The following RAP1GAP2 variants were observed in gnomAD, a reference collection of about 807,000 sequenced individuals.
The protein encoded by RAP1GAP2 is RAP1 GTPase activating protein 2.
Under a neutral mutation model 95.0 loss-of-function variants are expected in RAP1GAP2, and 27 were observed. The observed-to-expected ratio is 0.28, with a 90% CI of 0.21 to 0.39. RAP1GAP2 has a LOEUF of 0.39. Among genes scored for constraint, RAP1GAP2 ranks in the 10% least tolerant of loss-of-function variants. RAP1GAP2 has a pLI of 1.00. For synonymous variants in RAP1GAP2, 373 were observed against 380.9 expected (o/e 0.98, Z 0.24); for missense variants, 771 against 970.0 (o/e 0.79, Z 2.72).
At chr17:2,938,066 C>T (rs1201490792) in intron 3 of RAP1GAP2, among the ~76,000 whole-genome samples, 1 of 152,174 alleles carries the variant, frequency 6.6e-6, no homozygotes, top group Non-Finnish European at 1.5e-5. Context: ...GGAGCCAGGG[C>T]TGGGAGGAAG....
chr17:2,867,133 T>C lies in RAP1GAP2; in HGVS notation c.81-38151T>C, dbSNP rs2151632016. On this transcript the variant is annotated intron_variant, in intron 2 of 24. Transcript: ENST00000254695. The surrounding 1 kb of genome is among the most constrained non-coding windows in gnomAD (Gnocchi z 4.5). The stretch of plus-strand genomic sequence containing the variant: ...CCAGGCTGGTCTCGAACTCCTGGTG[T>C]CGTGATTCCCCTCACCTTGGCCTCC... Among the ~76,000 whole-genome samples, 1 of 151,238 alleles carries C rather than the reference T, an allele frequency of 6.6e-6. No individual in the cohort carries two copies. The highest frequency in any genetic ancestry group is 2.0e-4 in the East Asian group (1 of 5,098).
In RAP1GAP2 at chr17:2,962,429, G is replaced by T. The variant is rs2044374517; in HGVS notation, c.202-241G>T. On this transcript the variant is annotated intron_variant, in intron 4 of 24. Coordinates refer to ENST00000254695, the MANE Select transcript of RAP1GAP2 (RefSeq NM_015085.5). Reference sequence around the variant, plus strand: ...GGTCATCAGGCTGATAGGTGGCAGTGTTGGGATTTGAACCCCGGCGATCTG... The same window carrying T: ...GGTCATCAGGCTGATAGGTGGCAGTTTTGGGATTTGAACCCCGGCGATCTG... 1.0e-5 allele frequency: 5 copies of T among 497,708 alleles called. No individual in the cohort carries two copies. In the South Asian group the frequency reaches 1.4e-4, roughly 14 times the overall value. The allele number at this position is 497,708 out of a possible 1,614,324, so 30.8% of individuals were successfully genotyped here.
At position 2,944,694 on chromosome 17, in the gene RAP1GAP2, C is replaced by T. The variant is rs544403457; in HGVS notation, c.166-13065C>T. ...CCAGCTAGGATTCTGATAGAGATCGCGTTAGATAGGTAGATCACTTTGAAT... is the reference window on the plus strand; with the variant it reads ...CCAGCTAGGATTCTGATAGAGATCGTGTTAGATAGGTAGATCACTTTGAAT... On this transcript the variant is annotated intron_variant, in intron 3 of 24. Transcript: ENST00000254695. 1.2e-3 allele frequency among the ~76,000 whole-genome samples: 179 copies of T among 151,272 alleles called. 1 individual carries two copies. The highest frequency in any genetic ancestry group is 4.2e-3 in the African/African-American group (172 of 40,646).
intron 1 of RAP1GAP2, among the ~76,000 whole-genome samples, chr17:2,780,143 T>C (rs1178158990): frequency 1.3e-5 from 2 of 152,270 alleles, no homozygotes; most frequent in South Asian, 2.1e-4. Flanking sequence ...CTCCGCCTCC[T>C]GGGTTCAAGT....
chr17:3,012,297 T>TAA (rs566968191), intron 17 of RAP1GAP2, among the ~76,000 whole-genome samples: 1 of 144,994 alleles, frequency 6.9e-6, no homozygotes. Flanking sequence ...CACTTAGATC[T>TAA]AAAAAAAAAA....
chr17:2,799,793 T>C (rs1455421162), intron 1 of RAP1GAP2, among the ~76,000 whole-genome samples: 1 of 152,164 alleles, frequency 6.6e-6, no homozygotes, highest in African/African-American at 2.4e-5. Context: ...GAGGGGCCTC[T>C]TCTTGCCAGC....
At chr17:2,912,721 C>T (rs142851234) in intron 3 of RAP1GAP2, among the ~76,000 whole-genome samples, 118 of 152,250 alleles carry the variant, frequency 7.8e-4, no homozygotes, top group Non-Finnish European at 1.3e-3. Flanking sequence ...GTTGCCGCTC[C>T]GGACATGGTT....
At chr17:2,899,198 T>TTTTTA (rs562780693) in intron 2 of RAP1GAP2, among the ~76,000 whole-genome samples, 5 of 152,156 alleles carry the variant, frequency 3.3e-5, no homozygotes, top group Admixed American at 6.6e-5. Flanking sequence ...TTTGTTTTTA[T>TTTTTA]TTTTATTTTA....
chr17:3,017,223 G>A (rs970674823), intron 17 of RAP1GAP2, among the ~76,000 whole-genome samples: 2 of 152,062 alleles, frequency 1.3e-5, no homozygotes, highest in Non-Finnish European at 2.9e-5. Flanking sequence ...ACTCTCACAT[G>A]TACTTTGACA....
rs956673982 is a variant in RAP1GAP2 at position 2,857,716 on chromosome 17, T to C, written c.81-47568T>C. Among the ~76,000 whole-genome samples the C allele has an allele frequency of 4.6e-5, 7 of 152,198 alleles. No individual in the cohort carries two copies. The highest frequency in any genetic ancestry group is 7.4e-5 in the Non-Finnish European group (5 of 68,024). ...TTTGATTTTCAGAGCCTGCTTCTTA[T>C]GGATGTGGGTAGTGGGGAGCTTGGC... On this transcript the variant is annotated intron_variant, in intron 2 of 24. Coordinates refer to ENST00000254695, the MANE Select transcript of RAP1GAP2 (RefSeq NM_015085.5). The surrounding 1 kb of genome is among the most constrained non-coding windows in gnomAD (Gnocchi z 4.0).
rs930444687 is a variant in RAP1GAP2, at chr17:3,036,481, G to T, written c.*3120G>T. 3 of 152,336 alleles carry T rather than the reference G, an allele frequency of 2.0e-5. No homozygotes were observed. The highest frequency in any genetic ancestry group is 7.2e-5 in the African/African-American group (3 of 41,448). The allele number at this position is 152,336 out of a possible 1,614,324, so 9.4% of individuals were successfully genotyped here. On this transcript the variant is annotated 3_prime_UTR_variant, in exon 25 of 25. Coordinates refer to ENST00000254695, the MANE Select transcript of RAP1GAP2 (RefSeq NM_015085.5). ...TGGAGGTGAGCAGTCAAGGATGCTG[G>T]TGAGGCTGCAGTTTCTGCTCTTTTT...
intron 2 of RAP1GAP2, among the ~76,000 whole-genome samples, chr17:2,820,807 C>T (rs556595514): frequency 2.0e-5 from 3 of 151,194 alleles, no homozygotes; most frequent in Non-Finnish European, 2.9e-5. Flanking sequence ...CTAAAATCTC[C>T]GCCTCCCGGG....
intron 2 of RAP1GAP2, among the ~76,000 whole-genome samples, chr17:2,835,284 A>G (rs2071082842): frequency 6.6e-6 from 1 of 151,816 alleles, no homozygotes; most frequent in African/African-American, 2.4e-5. Flanking sequence ...CATTGGCACG[A>G]TCTTGGCTCA....
At chr17:3,012,627 A>G (rs960298891) in intron 17 of RAP1GAP2, among the ~76,000 whole-genome samples, 1 of 149,170 alleles carries the variant, frequency 6.7e-6, no homozygotes, top group Non-Finnish European at 1.5e-5. Flanking sequence ...AAAAAAAAAA[A>G]AAAACAAACC....
rs1183578886 is a variant in RAP1GAP2 at position 3,037,400 on chromosome 17, T to C, written c.*4039T>C. The C allele has an allele frequency of 1.0e-5, 1 of 96,964 alleles. No homozygotes were observed. The highest frequency in any genetic ancestry group is 1.5e-4 in the Admixed American group (1 of 6,590). 6.0% of individuals were successfully genotyped at this position (96,964 alleles called of 1,614,324 possible). ...CCCGCTTCCTGCTCCTTAGCATGCG[T>C]GCAGCTCTCTCCTGTTTTGGGTGTT... On this transcript the variant is annotated 3_prime_UTR_variant, in exon 25 of 25. Coordinates refer to ENST00000254695, the MANE Select transcript of RAP1GAP2 (RefSeq NM_015085.5).
At position 3,008,144 on chromosome 17, in the gene RAP1GAP2, A is replaced by G; in HGVS notation, c.1493A>G (p.Lys498Arg). The G allele has an allele frequency of 6.2e-7, 1 of 1,613,922 alleles. No homozygotes were observed. Among genetic ancestry groups the G allele is most frequent in the Non-Finnish European group, 8.5e-7 (1 of 1,179,858 alleles). ...GGHGGFLESF[K>R]RAIRVRSHSM... ...CACGGGGGGTTCCTGGAGTCTTTTA[A>G]GGTATGAGCGTCAGAGTGACTGATG... The change falls in exon 17 of 25, where the codon AAG becomes AGG. Residue 498 changes from lysine to arginine, a missense_variant and splice_region_variant. Coordinates refer to ENST00000254695, the MANE Select transcript of RAP1GAP2 (RefSeq NM_015085.5). This position sits in a 1 kb window ranked among gnomAD's most constrained non-coding sequence, Gnocchi z 4.2.
chr17:2,849,093 A>G (rs1000685611), intron 2 of RAP1GAP2, among the ~76,000 whole-genome samples: 1 of 152,208 alleles, frequency 6.6e-6, no homozygotes, highest in East Asian at 1.9e-4. Context: ...CCTCAAAGGC[A>G]GAAGAGAGCG....
intron 3 of RAP1GAP2, among the ~76,000 whole-genome samples, chr17:2,945,155 G>A (rs1426271910): frequency 4.6e-5 from 7 of 152,210 alleles, no homozygotes; most frequent in African/African-American, 1.4e-4. Flanking sequence ...GATTATAGGC[G>A]TGAGCCACCG....
chr17:2,878,420 G>A (rs535798621), intron 2 of RAP1GAP2, among the ~76,000 whole-genome samples: 2 of 152,122 alleles, frequency 1.3e-5, no homozygotes, highest in African/African-American at 4.8e-5. Flanking sequence ...TGTGGGTGAG[G>A]CTGAGTGGGA....
Sources: gnomAD v4.1 joint callset for allele counts (sites outside exome capture counted in the v4.1 genomes callset) on GRCh38, gnomAD v4.1.1 for gene constraint, Gnocchi (gnomAD v3.1) non-coding constraint, MANE v1.5 for transcripts, NCBI Gene and HGNC (gene_info 2026-07-23, HGNC 2026-07-21) for gene names.